Variants in CMAS observed in about 807,000 individuals in gnomAD.
CMAS encodes the protein cytidine monophosphate N-acetylneuraminic acid synthetase.
Under a neutral mutation model 53.4 loss-of-function variants are expected in CMAS, and 21 were observed. That is an observed-to-expected ratio of 0.39 (90% CI 0.28 to 0.57). The LOEUF (loss-of-function observed/expected upper bound fraction) is 0.57, where lower values mean the gene tolerates loss of function less well. Ranked by LOEUF, CMAS falls within the 20% of genes least tolerant of loss-of-function variation. CMAS has a pLI of 0.56. For synonymous variants in CMAS, 189 were observed against 195.2 expected (o/e 0.97, Z 0.27); for missense variants, 384 against 534.9 (o/e 0.72, Z 2.78).
At chr12:22,064,301 G>A (rs1339473454) in intron 7 of CMAS, among the ~76,000 whole-genome samples, 1 of 152,084 alleles carries the variant, frequency 6.6e-6, no homozygotes, top group Non-Finnish European at 1.5e-5. Flanking sequence ...AACAGAGAGG[G>A]AGGAAAAGGA....
At chr12:22,061,482 T>G (rs1565531865) in intron 6 of CMAS, 30 bp downstream of exon 6, 2 of 1,402,094 alleles carry the variant, frequency 1.4e-6, no homozygotes, top group East Asian at 4.7e-5. Flanking sequence ...AGCAGTATTT[T>G]ATAATATTTT....
chr12:22,062,067 T>C (rs1374653679), intron 6 of CMAS, among the ~76,000 whole-genome samples: 1 of 152,136 alleles, frequency 6.6e-6, no homozygotes, highest in Non-Finnish European at 1.5e-5. Context: ...TGTCTCACCT[T>C]TATTGGGCTA....
intron 7 of CMAS, among the ~76,000 whole-genome samples, chr12:22,062,986 T>C (rs1292390456): frequency 2.6e-5 from 4 of 152,192 alleles, no homozygotes; most frequent in Non-Finnish European, 5.9e-5. Flanking sequence ...TATGCAACCA[T>C]TACAAACAGT....
In CMAS at chr12:22,046,559, C is replaced by G; in HGVS notation, c.256C>G (p.Gln86Glu). ...LRAALDSGAF[Q>E]SVWVSTDHDE... is the part of the protein sequence containing the mutation. ...TGCGGCCCTGGATTCAGGGGCCTTC[C>G]AGAGGTGCGCATGTGCGAGAGTGGG... Residue 86 changes from glutamine to glutamate, a missense_variant, in exon 1 of 8, where the codon CAG becomes GAG. Transcript: ENST00000229329. The G allele has an allele frequency of 1.3e-6, 2 of 1,571,006 alleles. No homozygotes were observed. The highest frequency in any genetic ancestry group is 1.2e-5 in the South Asian group (1 of 85,680).
intron 1 of CMAS, among the ~76,000 whole-genome samples, chr12:22,051,411 GTTA>G (rs1950238991): frequency 6.6e-6 from 1 of 152,184 alleles, no homozygotes; most frequent in African/African-American, 2.4e-5. Context: ...GGCCTATGCT[GTTA>G]TTATCCCTAA....
chr12:22,061,130 CTATATGTTAAAATA>C (rs1950306291), intron 5 of CMAS, 137 bp from the exon 6 acceptor site: 1 of 685,142 alleles, frequency 1.5e-6, no homozygotes, highest in African/African-American at 1.8e-5. Flanking sequence ...ACTTACTGTA[CTATATGTTAAAATA>C]TATATGTGAA....
chr12:22,053,602 G>A (rs909250779), intron 1 of CMAS, among the ~76,000 whole-genome samples: 11 of 151,202 alleles, frequency 7.3e-5, no homozygotes, highest in East Asian at 2.0e-4. Context: ...GGTGGGGGCC[G>A]GGCACGGTGG....
At chr12:22,050,543 T>C (rs1950234746) in intron 1 of CMAS, among the ~76,000 whole-genome samples, 1 of 152,236 alleles carries the variant, frequency 6.6e-6, no homozygotes, top group South Asian at 2.1e-4. Context: ...GGTGCTAACA[T>C]TCTTTGACTT....
At chr12:22,048,888 C>A (rs929685088) in intron 1 of CMAS, among the ~76,000 whole-genome samples, 2 of 152,186 alleles carry the variant, frequency 1.3e-5, no homozygotes, top group Non-Finnish European at 2.9e-5. Context: ...CCTAGTCACA[C>A]GGACTAAGCC....
intron 1 of CMAS, among the ~76,000 whole-genome samples, chr12:22,054,670 T>C (rs777364858): frequency 6.6e-6 from 1 of 152,012 alleles, no homozygotes; most frequent in Non-Finnish European, 1.5e-5. Flanking sequence ...ATATTTTGGA[T>C]TTGGATGGAG....
chr12:22,046,728 C>T lies in CMAS; in HGVS notation c.260+165C>T, dbSNP rs374706836. Among the ~76,000 whole-genome samples the T allele has an allele frequency of 2.2e-4, 33 of 152,186 alleles. 1 individual carries two copies. The highest frequency in any genetic ancestry group is 1.9e-3 in the South Asian group (9 of 4,836). On this transcript the variant is annotated intron_variant, in intron 1 of 7. Coordinates refer to ENST00000229329, the MANE Select transcript of CMAS (RefSeq NM_018686.6). Reference sequence around the variant, plus strand: ...GGTGCCTGGGGCCGGGCTGAGAGCCCAGGAGGAAGGGCTCCAGCTCCTTCC... The same window carrying T: ...GGTGCCTGGGGCCGGGCTGAGAGCCTAGGAGGAAGGGCTCCAGCTCCTTCC...
intron 7 of CMAS, among the ~76,000 whole-genome samples, chr12:22,064,492 G>A (rs763229564): frequency 6.6e-6 from 1 of 152,002 alleles, no homozygotes; most frequent in African/African-American, 2.4e-5. Context: ...ATTCAAATAA[G>A]TCAGCTATAA....
chr12:22,058,775 G>A, intron 4 of CMAS, 75 bp downstream of exon 4: 3 of 1,487,908 alleles, frequency 2.0e-6, no homozygotes, highest in Middle Eastern at 1.8e-4. Context: ...AAGAAGTATG[G>A]TACAATTTCT....
intron 1 of CMAS, 140 bp downstream of exon 1, chr12:22,046,703 G>A (rs987920866): frequency 8.5e-6 from 9 of 1,056,858 alleles, no homozygotes; most frequent in South Asian, 1.9e-5. Flanking sequence ...CAAGATCCGG[G>A]GTGCCTGGGG....
intron 1 of CMAS, among the ~76,000 whole-genome samples, chr12:22,052,937 G>A (rs539328858): frequency 6.6e-6 from 1 of 152,230 alleles, no homozygotes; most frequent in East Asian, 1.9e-4. Context: ...GAAATCCAGG[G>A]ATGTTAGAAG....
intron 4 of CMAS, chr12:22,060,624 A>C: frequency 2.3e-6 from 1 of 426,832 alleles, no homozygotes; most frequent in Non-Finnish European, 4.3e-6. Flanking sequence ...ATTGCACTCC[A>C]GCCTGGGAGG....
rs530255535 is a variant in CMAS at position 22,053,398 on chromosome 12, C to T, written c.261-1751C>T. 1.8e-4 allele frequency among the ~76,000 whole-genome samples: 27 copies of T among 150,462 alleles called. No homozygotes were observed. In the East Asian group the frequency reaches 4.9e-3, roughly 27 times the overall value. On this transcript the variant is annotated intron_variant, in intron 1 of 7. Transcript: ENST00000229329. Reference sequence around the variant, plus strand: ...GTGTATATGTATACATATACACACACACATATACACATTATATATACACAT... The same window carrying T: ...GTGTATATGTATACATATACACACATACATATACACATTATATATACACAT...
chr12:22,049,669 T>G (rs959813082), intron 1 of CMAS, among the ~76,000 whole-genome samples: 9 of 152,152 alleles, frequency 5.9e-5, no homozygotes, highest in African/African-American at 2.2e-4. Flanking sequence ...CCCAGCACTT[T>G]AGGAGGCCGA....
chr12:22,062,649 C>T (rs541689059), intron 7 of CMAS, among the ~76,000 whole-genome samples: 3 of 152,242 alleles, frequency 2.0e-5, no homozygotes, highest in Admixed American at 2.0e-4. Flanking sequence ...ATTATTAGCA[C>T]AAGCTGTGAA....
Sources: allele counts gnomAD v4.1 joint callset (sites outside exome capture counted in the v4.1 genomes callset), GRCh38; gene constraint gnomAD v4.1.1; transcripts MANE v1.5; gene names NCBI Gene and HGNC (gene_info 2026-07-23, HGNC 2026-07-21).